EHBP1: variants seen among roughly 807,000 people sequenced by gnomAD.
The protein encoded by EHBP1 is EH domain-binding protein 1.
A neutral mutation model predicts 144.0 loss-of-function variants in EHBP1; 55 were observed. The ratio of observed to expected loss-of-function variants is 0.38; its 90% CI spans 0.31 to 0.48. The LOEUF is 0.48. Ranked by LOEUF, EHBP1 falls within the 20% of genes least tolerant of loss-of-function variation. The probability of loss-of-function intolerance (pLI) is 0.98; values close to 1 mark genes in which losing one functional copy is unlikely to be tolerated. For synonymous variants in EHBP1, 469 were observed against 472.7 expected (o/e 0.99, Z 0.10); for missense variants, 1,200 against 1,364.2 (o/e 0.88, Z 1.90).
rs1044241525 is a variant in EHBP1, at chr2:62,943,103, G to A, written c.1364+207G>A. Among the ~76,000 whole-genome samples, 14 of 152,276 alleles carry A rather than the reference G, an allele frequency of 9.2e-5. No homozygotes were observed. The South Asian group carries it at 2.1e-3, about 23-fold the overall frequency. On this transcript the variant is annotated intron_variant, in intron 11 of 22. Transcript: ENST00000431489. ...CTCTTTTTAAAAGTGGTGGCTGGGCGTGGCGGCTCACGCCTATAATCTCAG... is the reference window on the plus strand; with the variant it reads ...CTCTTTTTAAAAGTGGTGGCTGGGCATGGCGGCTCACGCCTATAATCTCAG...
intron 14 of EHBP1, among the ~76,000 whole-genome samples, chr2:62,965,342 T>C (rs1170078220): frequency 6.6e-6 from 1 of 152,218 alleles, no homozygotes; most frequent in Non-Finnish European, 1.5e-5. Flanking sequence ...TTAAGAAATA[T>C]GCACGACTAT....
At position 62,863,281 on chromosome 2, in the gene EHBP1, T is replaced by TCTCA. The variant is rs1553450691; in HGVS notation, c.758-1449_758-1448insTCAC. On this transcript the variant is annotated intron_variant, in intron 8 of 22. Coordinates refer to ENST00000431489, the MANE Select transcript of EHBP1 (RefSeq NM_001142616.3). ...GCCTGGGCAACAGAGTGAGACTCCG[T>TCTCA]CACACACACACACACACACGTACCA... Among the ~76,000 whole-genome samples the TCTCA allele has an allele frequency of 9.6e-5, 14 of 145,480 alleles. No homozygotes were observed. In the South Asian group the frequency reaches 2.4e-3, roughly 25 times the overall value.
At chr2:62,805,092 C>T (rs1376155022) in intron 5 of EHBP1, among the ~76,000 whole-genome samples, 1 of 152,098 alleles carries the variant, frequency 6.6e-6, no homozygotes, top group African/African-American at 2.4e-5. Context: ...GTTTTGGATC[C>T]ATTTATTTGA....
At chr2:62,975,937 T>C (rs13013040) in intron 14 of EHBP1, among the ~76,000 whole-genome samples, 2,198 of 133,582 alleles carry the variant, frequency 0.016, 21 homozygotes, top group Middle Eastern at 0.038. Context: ...CACACACACA[T>C]ATATAGTAGA....
chr2:62,747,470 A>G lies in EHBP1; in HGVS notation c.162+18A>G, dbSNP rs757690206. Reference sequence around the variant, plus strand: ...CTTCTAAGGTTAGTGTATTTTCTAAATTTCTTACCTAATTGTTGAATACAA... The same window carrying G: ...CTTCTAAGGTTAGTGTATTTTCTAAGTTTCTTACCTAATTGTTGAATACAA... On this transcript the variant is annotated intron_variant, in intron 3 of 22. Coordinates refer to ENST00000431489, the MANE Select transcript of EHBP1 (RefSeq NM_001142616.3). 6 of 1,589,950 alleles carry G rather than the reference A, an allele frequency of 3.8e-6. No individual in the cohort carries two copies. Among genetic ancestry groups the G allele is most frequent in the Non-Finnish European group, 5.2e-6 (6 of 1,164,826 alleles).
intron 7 of EHBP1, among the ~76,000 whole-genome samples, chr2:62,843,514 CATT>C (rs1473168890): frequency 2.6e-5 from 4 of 152,200 alleles, no homozygotes; most frequent in East Asian, 1.9e-4. Flanking sequence ...AATTCACAAT[CATT>C]GTAGCATATT....
chr2:62,893,734 T>C (rs1288381990), intron 10 of EHBP1, among the ~76,000 whole-genome samples: 2 of 152,098 alleles, frequency 1.3e-5, no homozygotes, highest in Admixed American at 6.6e-5. Flanking sequence ...GGCGAGGTAG[T>C]ATCCTCTAAA....
intron 8 of EHBP1, among the ~76,000 whole-genome samples, chr2:62,860,699 A>C (rs2049450406): frequency 6.6e-6 from 1 of 152,180 alleles, no homozygotes; most frequent in Non-Finnish European, 1.5e-5. Context: ...CTGAGTTCAA[A>C]AATATTTACA....
intron 9 of EHBP1, among the ~76,000 whole-genome samples, chr2:62,873,499 C>T (rs1160102575): frequency 6.6e-6 from 1 of 151,910 alleles, no homozygotes; most frequent in Non-Finnish European, 1.5e-5. Flanking sequence ...AGTTGTTCAA[C>T]ATATATCTAA....
At chr2:63,038,937 A>G in intron 21 of EHBP1, 121 bp downstream of exon 21, 1 of 807,628 alleles carries the variant, frequency 1.2e-6, no homozygotes, top group Middle Eastern at 2.4e-4. Flanking sequence ...GGAATTGCAA[A>G]TAAATGCCGT....
intron 7 of EHBP1, chr2:62,858,317 CTT>C (rs2049234405): frequency 2.5e-6 from 2 of 786,430 alleles, no homozygotes; most frequent in Non-Finnish European, 4.2e-6. Flanking sequence ...AACATCTCCT[CTT>C]TGTCTTTTTG....
At chr2:62,838,977 C>T (rs1205443002) in intron 7 of EHBP1, among the ~76,000 whole-genome samples, 1 of 142,670 alleles carries the variant, frequency 7.0e-6, no homozygotes, top group Non-Finnish European at 1.5e-5. Context: ...GGGAATCCTC[C>T]CTAACTCATT....
At chr2:62,745,528 T>A (rs1197056113) in intron 2 of EHBP1, among the ~76,000 whole-genome samples, 1 of 151,952 alleles carries the variant, frequency 6.6e-6, no homozygotes, top group Admixed American at 6.6e-5. Context: ...CATTGTAACA[T>A]TGCAAAGATG....
chr2:62,932,376 G>A (rs1394496487), intron 10 of EHBP1, among the ~76,000 whole-genome samples: 1 of 152,110 alleles, frequency 6.6e-6, no homozygotes, highest in Non-Finnish European at 1.5e-5. Context: ...ATCTGCAGTG[G>A]AATATTATTC....
At chr2:62,683,893 G>A (rs746098529) in intron 1 of EHBP1, among the ~76,000 whole-genome samples, 1 of 152,102 alleles carries the variant, frequency 6.6e-6, no homozygotes, top group Non-Finnish European at 1.5e-5. Flanking sequence ...ATGAACCGAA[G>A]CTTCAGGCTC....
At chr2:62,686,592 G>GTGTC (rs1297553364) in intron 1 of EHBP1, among the ~76,000 whole-genome samples, 1 of 152,152 alleles carries the variant, frequency 6.6e-6, no homozygotes, top group African/African-American at 2.4e-5. Flanking sequence ...AAAGTCCCTT[G>GTGTC]TGTCATCTCT....
At chr2:62,729,521 TAAATA>T (rs1373151227) in intron 2 of EHBP1, among the ~76,000 whole-genome samples, 2 of 117,924 alleles carry the variant, frequency 1.7e-5, no homozygotes, top group East Asian at 4.4e-4. Flanking sequence ...ATAAAATAAA[TAAATA>T]TAATATATAT....
At chr2:62,677,856 A>T (rs2033362925) in intron 1 of EHBP1, among the ~76,000 whole-genome samples, 1 of 152,196 alleles carries the variant, frequency 6.6e-6, no homozygotes, top group African/African-American at 2.4e-5. Flanking sequence ...CACTGTGATT[A>T]ACTACCACAT....
Position 62,996,864 on chromosome 2 carries a change from TC to T in EHBP1, c.3103+99del, listed in dbSNP as rs2059650315. On this transcript the variant is annotated intron_variant, in intron 19 of 22. Coordinates refer to ENST00000431489, the MANE Select transcript of EHBP1 (RefSeq NM_001142616.3). ...GTGTGAATCTTTGAAGCCTGAATGTTCAGCAAAACTGCCTTGAAAATAAAAA... is the reference window on the plus strand; with the variant it reads ...GTGTGAATCTTTGAAGCCTGAATGTTAGCAAAACTGCCTTGAAAATAAAAA... 6 of 1,516,678 alleles carry T rather than the reference TC, an allele frequency of 4.0e-6. No homozygotes were observed. In the Admixed American group the frequency reaches 1.4e-4, roughly 35 times the overall value. 94.0% of individuals were successfully genotyped at this position (1,516,678 alleles called of 1,614,324 possible).
Sources: gnomAD v4.1 joint callset for allele counts (sites outside exome capture counted in the v4.1 genomes callset) on GRCh38, gnomAD v4.1.1 for gene constraint, MANE v1.5 for transcripts, NCBI Gene and HGNC (gene_info 2026-07-23, HGNC 2026-07-21) for gene names.